The following PNPLA1 variants were observed in gnomAD, a reference collection of about 807,000 sequenced individuals.
PNPLA1 encodes the protein omega-hydroxyceramide transacylase.
PNPLA1 carries 36 observed loss-of-function variants against 51.7 expected under a neutral mutation model. The ratio of observed to expected loss-of-function variants is 0.70; its 90% CI spans 0.53 to 0.92. PNPLA1 has a LOEUF of 0.92. Ranked by LOEUF, PNPLA1 falls within the 40% of genes least tolerant of loss-of-function variation. The pLI is 0.00. For synonymous variants in PNPLA1, 293 were observed against 280.1 expected, an observed-to-expected ratio of 1.05 and a Z score of -0.46; for missense variants, 658 against 682.5, an observed-to-expected ratio of 0.96 and a Z score of 0.40.
At chr6:36,275,637 T>TG (rs1426784805) in intron 1 of PNPLA1, among the ~76,000 whole-genome samples, 1 of 152,224 alleles carries the variant, frequency 6.6e-6, no homozygotes, top group Non-Finnish European at 1.5e-5. Context: ...TGTCTATTTC[T>TG]GTTTTAATCA....
At chr6:36,287,798 C>T (rs531148577) in intron 1 of PNPLA1, among the ~76,000 whole-genome samples, 132 of 147,160 alleles carry the variant, frequency 9.0e-4, no homozygotes, top group African/African-American at 3.1e-3. Context: ...ACACACACCC[C>T]TGGAGAGAAG....
At chr6:36,311,398 T>G (rs1233996551) in intron 8 of PNPLA1, among the ~76,000 whole-genome samples, 4 of 152,102 alleles carry the variant, frequency 2.6e-5, no homozygotes, top group Admixed American at 2.0e-4. Context: ...GTTGCAAGGA[T>G]GGAGGTAGCG....
intron 2 of PNPLA1, 48 bp from the exon 3 acceptor site, chr6:36,293,013 A>C (rs902828754): frequency 1.3e-6 from 2 of 1,540,974 alleles, no homozygotes; most frequent in Non-Finnish European, 1.8e-6. Flanking sequence ...AGCTGTCCCC[A>C]CCCCACCCCC....
chr6:36,294,378 A>G lies in PNPLA1; in HGVS notation c.693A>G (p.Ala231=). The change falls in exon 4 of 9, where the codon GCA becomes GCG. Residue 231 remains alanine (A), a synonymous_variant. Coordinates refer to ENST00000636260, the MANE Select transcript of PNPLA1 (RefSeq NM_001374623.1). The surrounding 1 kb of genome is among the most constrained non-coding windows in gnomAD (Gnocchi z 4.2). ...SLENIARMTH[A]LFPPDLVILH... is the part of the protein sequence containing the mutation. ...AGAACATCGCCAGGATGACCCACGC[A>G]TTGTTCCCCCCGGACCTGGTGGTGA... 1 of 1,614,044 alleles carries G rather than the reference A, an allele frequency of 6.2e-7. No individual in the cohort carries two copies. The highest frequency in any genetic ancestry group is 8.5e-7 in the Non-Finnish European group (1 of 1,180,002).
At chr6:36,295,656 G>C (rs1260730370) in intron 5 of PNPLA1, among the ~76,000 whole-genome samples, 1 of 152,142 alleles carries the variant, frequency 6.6e-6, no homozygotes, top group African/African-American at 2.4e-5. Flanking sequence ...GTTAACTAAG[G>C]GCACAGTGTC....
At chr6:36,262,518 G>A (rs1769674452) in intron 1 of PNPLA1, among the ~76,000 whole-genome samples, 1 of 152,178 alleles carries the variant, frequency 6.6e-6, no homozygotes, top group Non-Finnish European at 1.5e-5. Context: ...TACTGTAATG[G>A]AAGTAACAAT....
intron 1 of PNPLA1, among the ~76,000 whole-genome samples, chr6:36,246,224 T>G (rs1769278216): frequency 6.6e-6 from 1 of 151,978 alleles, no homozygotes; most frequent in African/African-American, 2.4e-5. Context: ...TTTTTTTTTT[T>G]GACGAGGTCT....
Position 36,313,719 on chromosome 6 carries a change from G to T in PNPLA1, c.*1833G>T, listed in dbSNP as rs939656442. Among the ~76,000 whole-genome samples the T allele has an allele frequency of 6.6e-6, 1 of 152,226 alleles. No homozygotes were observed. Among genetic ancestry groups the T allele is most frequent in the African/African-American group, 2.4e-5 (1 of 41,458 alleles). The stretch of plus-strand genomic sequence containing the variant: ...ACTGACTAGAGAGGCCCGCCCGGCC[G>T]CAGGCCTTTCTTCCAGGAGTGGCCT... On this transcript the variant is annotated 3_prime_UTR_variant, in exon 9 of 9. Transcript: ENST00000636260.
chr6:36,261,541 G>A (rs776110483), intron 1 of PNPLA1, among the ~76,000 whole-genome samples: 22 of 152,242 alleles, frequency 1.4e-4, no homozygotes, highest in Non-Finnish European at 2.8e-4. Flanking sequence ...TCAGGCTTGT[G>A]AGTTTGGTGA....
At position 36,302,248 on chromosome 6, in the gene PNPLA1, C is replaced by T; in HGVS notation, c.1163C>T (p.Ser388Leu). ...CCACCCAGCTCCACACCTGGTTCAT[C>T]ACTGCCCACCCCACCACCTGGACTG... ...HKPPSSTPGS[S>L]LPTPPPGLSP... Residue 388 changes from serine to leucine, a missense_variant, in exon 6 of 9, where the codon TCA becomes TTA. Coordinates refer to ENST00000636260, the MANE Select transcript of PNPLA1 (RefSeq NM_001374623.1). The T allele has an allele frequency of 7.4e-6, 12 of 1,614,212 alleles. No homozygotes were observed. Among genetic ancestry groups the T allele is most frequent in the Non-Finnish European group, 1.0e-5 (12 of 1,180,038 alleles).
At position 36,247,686 on chromosome 6, in the gene PNPLA1, G is replaced by A. The variant is rs79499933; in HGVS notation, c.-81+4425G>A. ...GGCTAGAGGAGGGTCAAGGAGGAAG[G>A]CATAAGGAGGCCAAGCCCAGGGGCT... On this transcript the variant is annotated intron_variant, in intron 1 of 7. Coordinates refer to the PNPLA1 transcript ENST00000312917. Among the ~76,000 whole-genome samples the A allele has an allele frequency of 3.5e-3, 538 of 152,334 alleles. 7 individuals carry two copies. Among genetic ancestry groups the A allele is most frequent in the East Asian group, 0.035 (181 of 5,186 alleles).
At chr6:36,250,569 C>A (rs1769399034) in intron 1 of PNPLA1, among the ~76,000 whole-genome samples, 1 of 152,178 alleles carries the variant, frequency 6.6e-6, no homozygotes, top group Admixed American at 6.5e-5. Context: ...ATACATCATT[C>A]AACAAATATT....
At chr6:36,245,280 G>T (rs1250118079) in intron 1 of PNPLA1, among the ~76,000 whole-genome samples, 2 of 152,162 alleles carry the variant, frequency 1.3e-5, no homozygotes, top group Non-Finnish European at 2.9e-5. Flanking sequence ...TTTTCCATTT[G>T]CTGGGGGCCT....
At chr6:36,303,364 AC>A (rs1281536971) in intron 6 of PNPLA1, among the ~76,000 whole-genome samples, 1 of 152,094 alleles carries the variant, frequency 6.6e-6, no homozygotes, top group African/African-American at 2.4e-5. Flanking sequence ...AAGTGCTGGG[AC>A]TACAGGCGTG....
chr6:36,304,677 A>G (rs1771178767), intron 6 of PNPLA1, among the ~76,000 whole-genome samples: 1 of 151,102 alleles, frequency 6.6e-6, no homozygotes, highest in South Asian at 2.1e-4. Flanking sequence ...GCAGTGTTTT[A>G]CCTGCTCTCT....
At chr6:36,308,855 C>T (rs1454180378) in intron 8 of PNPLA1, among the ~76,000 whole-genome samples, 1 of 152,166 alleles carries the variant, frequency 6.6e-6, no homozygotes. Context: ...ATTGGCCAGG[C>T]ATGTTGACAT....
intron 3 of PNPLA1, among the ~76,000 whole-genome samples, chr6:36,293,362 C>A (rs372898112): frequency 2.0e-5 from 3 of 152,196 alleles, no homozygotes; most frequent in African/African-American, 7.2e-5. Context: ...ACTGCCAAGC[C>A]GGGCAAATCA....
intron 6 of PNPLA1, among the ~76,000 whole-genome samples, 179 bp from the exon 7 acceptor site, chr6:36,306,113 C>T (rs74906171): frequency 0.014 from 2,063 of 152,270 alleles, 17 homozygotes; most frequent in Middle Eastern, 0.027. Context: ...ACAGATGCCG[C>T]GGGCCTGCGT....
intron 5 of PNPLA1, 86 bp downstream of exon 5, chr6:36,295,510 C>T (rs976600215): frequency 1.5e-5 from 21 of 1,407,340 alleles, no homozygotes; most frequent in Non-Finnish European, 2.1e-5. Context: ...GAGGGGTATT[C>T]CCCCCAGATT....
Sources: gnomAD v4.1 joint callset for allele counts (sites outside exome capture counted in the v4.1 genomes callset) on GRCh38, gnomAD v4.1.1 for gene constraint, Gnocchi (gnomAD v3.1) non-coding constraint, MANE v1.5 for transcripts, NCBI Gene and HGNC (gene_info 2026-07-23, HGNC 2026-07-21) for gene names.